The following ITSN2 variants were observed in gnomAD, a reference collection of about 807,000 sequenced individuals.
ITSN2 encodes intersectin 2.
A neutral mutation model predicts 243.7 loss-of-function variants in ITSN2; 156 were observed. That is an observed-to-expected ratio of 0.64 (90% CI 0.56 to 0.73). ITSN2 has a LOEUF of 0.73. Among genes scored for constraint, ITSN2 ranks in the 30% least tolerant of loss-of-function variants. The pLI is 0.00. For synonymous variants in ITSN2, 703 were observed against 699.9 expected (o/e 1.00, Z -0.07); for missense variants, 1,801 against 1,996.1 (o/e 0.90, Z 1.86).
intron 16 of ITSN2, among the ~76,000 whole-genome samples, chr2:24,286,004 T>C (rs2151557186): frequency 6.6e-6 from 1 of 151,956 alleles, no homozygotes. Flanking sequence ...AATTGGAAAC[T>C]GTGATAAAGT....
chr2:24,225,991 GTTT>G lies in ITSN2; in HGVS notation c.3578-4928_3578-4926del, dbSNP rs990538617. ...GCTGTGACCGCTGAACACATGCAGTGTTTCCATGGTACTGGTTTGTATCTGTCT... is the reference window on the plus strand; with the variant it reads ...GCTGTGACCGCTGAACACATGCAGTGCCATGGTACTGGTTTGTATCTGTCT... On this transcript the variant is annotated intron_variant, in intron 29 of 39. Transcript: ENST00000355123. This position sits in a 1 kb window ranked among gnomAD's most constrained non-coding sequence, Gnocchi z 4.2. Among the ~76,000 whole-genome samples, 8 of 152,160 alleles carry G rather than the reference GTTT, an allele frequency of 5.3e-5. No homozygotes were observed. The highest frequency in any genetic ancestry group is 2.4e-5 in the African/African-American group (1 of 41,432).
rs1683225615 is a variant in ITSN2, at chr2:24,311,200, A to G, written c.353-508T>C. Reference sequence around the variant, plus strand: ...CATTATTTGCAAGAAAGTGTGTCACATATTTTACTTTTCTTGTAAGTAACA... The same window carrying G: ...CATTATTTGCAAGAAAGTGTGTCACGTATTTTACTTTTCTTGTAAGTAACA... On this transcript the variant is annotated intron_variant, in intron 5 of 39. Transcript: ENST00000355123. Among the ~76,000 whole-genome samples, 6 of 152,330 alleles carry G rather than the reference A, an allele frequency of 3.9e-5. No individual in the cohort carries two copies. In the South Asian group the frequency reaches 1.0e-3, roughly 26 times the overall value.
chr2:24,282,730 TC>T (rs1201041787), intron 17 of ITSN2, among the ~76,000 whole-genome samples: 1 of 152,122 alleles, frequency 6.6e-6, no homozygotes, highest in African/African-American at 2.4e-5. Context: ...GTGAGCCACA[TC>T]CCCATCACCT....
At chr2:24,325,530 A>G (rs1307270789) in intron 2 of ITSN2, among the ~76,000 whole-genome samples, 1 of 152,220 alleles carries the variant, frequency 6.6e-6, no homozygotes, top group Non-Finnish European at 1.5e-5. Flanking sequence ...GAACCCTTTG[A>G]AAAGGCAAAA....
intron 1 of ITSN2, among the ~76,000 whole-genome samples, chr2:24,339,778 G>A (rs1293326236): frequency 1.3e-5 from 2 of 152,102 alleles, no homozygotes; most frequent in African/African-American, 4.8e-5. Flanking sequence ...TGCAATCCCA[G>A]CACTTTGGGA....
intron 1 of ITSN2, among the ~76,000 whole-genome samples, chr2:24,337,331 T>TATATATATATATATATATATATAC (rs1219603507): frequency 1.6e-3 from 5 of 3,064 alleles, no homozygotes; most frequent in Non-Finnish European, 3.7e-3. Context: ...TATATATATA[T>TATATATATATATATATATATATAC]ATATATATAT....
chr2:24,283,230 C>CT (rs879626302), intron 17 of ITSN2, among the ~76,000 whole-genome samples: 283 of 146,132 alleles, frequency 1.9e-3, no homozygotes, highest in African/African-American at 4.3e-3. Flanking sequence ...TTTTCTTTTT[C>CT]TTTTTTTTTT....
rs903992233 is a variant in ITSN2, at chr2:24,220,301, G to C, written c.3699+644C>G. ...AGGGCCTGTACACTGGGAACTGAAA[G>C]GCATGGAAACAAAGGTATAGTAGAA... On this transcript the variant is annotated intron_variant, in intron 30 of 39. Transcript: ENST00000355123. 12 of 984,316 alleles carry C rather than the reference G, an allele frequency of 1.2e-5. No homozygotes were observed. The Admixed American group carries it at 1.8e-4, about 15-fold the overall frequency. The allele number at this position is 984,316 out of a possible 1,614,324, so 61.0% of individuals were successfully genotyped here. A position where few individuals can be genotyped will look rare whatever the true frequency, so the allele number is the denominator to read the frequency against.
chr2:24,226,036 G>A (rs1670998554), intron 29 of ITSN2, among the ~76,000 whole-genome samples: 1 of 152,144 alleles, frequency 6.6e-6, no homozygotes, highest in Non-Finnish European at 1.5e-5. Context: ...ATTACACATC[G>A]TCTAACTGGT....
At chr2:24,258,592 CT>C (rs1675371154) in intron 22 of ITSN2, among the ~76,000 whole-genome samples, 1 of 152,022 alleles carries the variant, frequency 6.6e-6, no homozygotes, top group Non-Finnish European at 1.5e-5. Flanking sequence ...TGTTTTGTTC[CT>C]TTAATAAGGC....
At chr2:24,219,814 G>A (rs1670279810) in intron 30 of ITSN2, among the ~76,000 whole-genome samples, 1 of 152,196 alleles carries the variant, frequency 6.6e-6, no homozygotes, top group Non-Finnish European at 1.5e-5. Context: ...GATCCTTGTA[G>A]GGGATTAATC....
At chr2:24,295,580 A>G (rs889595725) in intron 14 of ITSN2, 84 bp downstream of exon 14, 4 of 1,105,180 alleles carry the variant, frequency 3.6e-6, no homozygotes, top group Admixed American at 6.1e-5. Context: ...AAGTGCTAGC[A>G]TTACAGCCGT....
At chr2:24,248,972 T>C in intron 25 of ITSN2, 90 bp from the exon 26 acceptor site, 7 of 1,233,510 alleles carry the variant, frequency 5.7e-6, no homozygotes, top group Non-Finnish European at 8.2e-6. Context: ...GATTTCAAAT[T>C]CCCAGGATTC....
chr2:24,320,381 C>T (rs1484254866), intron 2 of ITSN2, among the ~76,000 whole-genome samples: 3 of 150,438 alleles, frequency 2.0e-5, no homozygotes, highest in Admixed American at 6.6e-5. Context: ...TAGCCGGGCG[C>T]GGTGGCGGGC....
intron 15 of ITSN2, among the ~76,000 whole-genome samples, chr2:24,287,946 T>C (rs899492799): frequency 5.9e-5 from 9 of 152,306 alleles, no homozygotes; most frequent in African/African-American, 1.9e-4. Context: ...AAACCACTTA[T>C]CAGATACATG....
chr2:24,337,329 T>TACATATATATATATAC (rs1435357275), intron 1 of ITSN2, among the ~76,000 whole-genome samples: 1 of 94,462 alleles, frequency 1.1e-5, no homozygotes, highest in Non-Finnish European at 2.1e-5. Context: ...TATATATATA[T>TACATATATATATATAC]ATATATATAT....
At chr2:24,216,361 A>T in intron 31 of ITSN2, 129 bp from the exon 32 acceptor site, 1 of 702,564 alleles carries the variant, frequency 1.4e-6, no homozygotes, top group Admixed American at 3.1e-5. Context: ...ACTGGGAAGG[A>T]GAACTCAAGA....
At chr2:24,349,190 C>T (rs529563315) in intron 1 of ITSN2, among the ~76,000 whole-genome samples, 7 of 152,148 alleles carry the variant, frequency 4.6e-5, no homozygotes, top group Non-Finnish European at 8.8e-5. Flanking sequence ...CAAAATCTAA[C>T]AGGGAAAAAA....
At position 24,251,309 on chromosome 2, in the gene ITSN2, C is replaced by CAAAAAAAAAAAA. The variant is rs1553355845; in HGVS notation, c.3120+1024_3120+1035dup. Among the ~76,000 whole-genome samples the CAAAAAAAAAAAA allele has an allele frequency of 9.1e-5, 2 of 22,012 alleles. 1 individual carries two copies. Among genetic ancestry groups the CAAAAAAAAAAAA allele is most frequent in the Non-Finnish European group, 1.5e-4 (2 of 13,752 alleles). 14.4% of individuals were successfully genotyped at this position (22,012 alleles called of 152,430 possible). A position where few individuals can be genotyped will look rare whatever the true frequency, so the allele number is the denominator to read the frequency against. ...TGGGCAACAGAACTAAACTCCATCT[C>CAAAAAAAAAAAA]AAAAAAAAAAAAAAATAAAATATAT... is the stretch of plus-strand genomic sequence containing the variant. On this transcript the variant is annotated intron_variant, in intron 25 of 39. Coordinates refer to ENST00000355123, the MANE Select transcript of ITSN2 (RefSeq NM_006277.3).
Sources: gnomAD v4.1 joint callset for allele counts (sites outside exome capture counted in the v4.1 genomes callset) on GRCh38, gnomAD v4.1.1 for gene constraint, Gnocchi (gnomAD v3.1) non-coding constraint, MANE v1.5 for transcripts, NCBI Gene and HGNC (gene_info 2026-07-23, HGNC 2026-07-21) for gene names.